Variants in NEDD9 observed in about 807,000 individuals in gnomAD.
NEDD9 encodes the protein enhancer of filamentation 1.
A neutral mutation model predicts 76.6 loss-of-function variants in NEDD9; 26 were observed. The observed-to-expected ratio is 0.34, with a 90% CI of 0.25 to 0.47. The LOEUF (loss-of-function observed/expected upper bound fraction) is 0.47. Ranked by LOEUF, NEDD9 falls within the 20% of genes least tolerant of loss-of-function variation. The pLI is 1.00. For missense variants in NEDD9, 937 were observed against 1,058.5 expected (o/e 0.89, Z 1.59); for synonymous variants, 392 against 414.2 (o/e 0.95, Z 0.65).
At chr6:11,185,755 A>G in intron 6 of NEDD9, 84 bp from the exon 7 acceptor site, 1 of 1,511,566 alleles carries the variant, frequency 6.6e-7, no homozygotes, top group African/African-American at 1.4e-5. Flanking sequence ...GTTAAAAGAC[A>G]GGGATTTTAG....
intron 2 of NEDD9, among the ~76,000 whole-genome samples, chr6:11,320,470 TA>T (rs1761770450): frequency 6.6e-6 from 1 of 152,176 alleles, no homozygotes; most frequent in South Asian, 2.1e-4. Context: ...GTGCCTACGA[TA>T]AGCGATTTGT....
At chr6:11,211,338 T>C (rs1457999886) in intron 2 of NEDD9, among the ~76,000 whole-genome samples, 1 of 152,178 alleles carries the variant, frequency 6.6e-6, no homozygotes, top group Non-Finnish European at 1.5e-5. Context: ...AGGCTTAGGC[T>C]TCTCTGACTT....
intron 3 of NEDD9, chr6:11,305,214 T>C (rs1000391417): frequency 2.7e-6 from 3 of 1,130,758 alleles, no homozygotes; most frequent in African/African-American, 3.3e-5. Flanking sequence ...TTTACCTTTT[T>C]TCATTTTGAG....
At chr6:11,295,304 T>C (rs1035094782) in intron 3 of NEDD9, among the ~76,000 whole-genome samples, 2 of 152,366 alleles carry the variant, frequency 1.3e-5, no homozygotes, top group Admixed American at 6.5e-5. Flanking sequence ...TGAGTGCGTT[T>C]TATTTTTCTG....
intron 3 of NEDD9, among the ~76,000 whole-genome samples, chr6:11,272,073 C>T (rs530402918): frequency 5.9e-5 from 9 of 152,174 alleles, no homozygotes; most frequent in East Asian, 1.9e-4. Flanking sequence ...AAGGACAGCC[C>T]GGTGCAGAAC....
At chr6:11,214,103 A>G (rs1758872420) in intron 1 of NEDD9, 2 of 465,728 alleles carry the variant, frequency 4.3e-6, no homozygotes, top group Non-Finnish European at 8.3e-6. Flanking sequence ...CGAGATATTC[A>G]GATGTTCGAC....
At chr6:11,303,658 C>A (rs1285315635) in intron 3 of NEDD9, among the ~76,000 whole-genome samples, 2 of 152,100 alleles carry the variant, frequency 1.3e-5, no homozygotes, top group Non-Finnish European at 1.5e-5. Flanking sequence ...TAACATCACA[C>A]ATCTACAACC....
intron 3 of NEDD9, among the ~76,000 whole-genome samples, chr6:11,265,301 C>T (rs757157182): frequency 2.0e-5 from 3 of 152,158 alleles, no homozygotes; most frequent in Admixed American, 6.5e-5. Flanking sequence ...AGTGGAAAAA[C>T]GCTCACCAAA....
At chr6:11,238,125 C>T (rs1759644367) in intron 3 of NEDD9, among the ~76,000 whole-genome samples, 1 of 152,172 alleles carries the variant, frequency 6.6e-6, no homozygotes, top group African/African-American at 2.4e-5. Flanking sequence ...CACCGAAACC[C>T]TCCGAGGTGC....
At chr6:11,355,882 G>C (rs540839585) in intron 1 of NEDD9, among the ~76,000 whole-genome samples, 2 of 148,904 alleles carry the variant, frequency 1.3e-5, no homozygotes, top group South Asian at 4.2e-4. Context: ...CACCACGCCC[G>C]GCTAATTTTT....
chr6:11,299,776 A>G (rs1760994137), intron 3 of NEDD9, among the ~76,000 whole-genome samples: 1 of 152,240 alleles, frequency 6.6e-6, no homozygotes, highest in African/African-American at 2.4e-5. Context: ...GGGGTCTGTA[A>G]GAAGGAAAAC....
intron 2 of NEDD9, among the ~76,000 whole-genome samples, chr6:11,308,569 T>C (rs542072632): frequency 6.6e-5 from 10 of 151,908 alleles, no homozygotes; most frequent in South Asian, 6.3e-4. Flanking sequence ...CGGGGTTTCA[T>C]CGTGTTAGCC....
chr6:11,319,458 ACT>A (rs1006494551), intron 2 of NEDD9, among the ~76,000 whole-genome samples: 14 of 151,238 alleles, frequency 9.3e-5, no homozygotes, highest in African/African-American at 2.2e-4. Context: ...GTACACACAC[ACT>A]GGTACACACT....
At chr6:11,193,714 G>A in intron 2 of NEDD9, 22 bp from the exon 3 acceptor site, 1 of 1,583,230 alleles carries the variant, frequency 6.3e-7, no homozygotes, top group Non-Finnish European at 8.7e-7. Flanking sequence ...AAGGCACAGA[G>A]GTGTAAATTT....
chr6:11,209,646 G>C (rs1047062614), intron 2 of NEDD9, among the ~76,000 whole-genome samples: 2 of 152,196 alleles, frequency 1.3e-5, no homozygotes, highest in African/African-American at 2.4e-5. Context: ...TCTCACGACA[G>C]CCTATGAAGT....
At chr6:11,186,909 C>T (rs887789192) in intron 6 of NEDD9, among the ~76,000 whole-genome samples, 5 of 152,202 alleles carry the variant, frequency 3.3e-5, no homozygotes, top group African/African-American at 9.7e-5. Flanking sequence ...AGCCACCGTG[C>T]CCAGCCTTCA....
At chr6:11,380,825 T>C (rs1208194950) in intron 1 of NEDD9, among the ~76,000 whole-genome samples, 2 of 152,020 alleles carry the variant, frequency 1.3e-5, no homozygotes, top group Non-Finnish European at 2.9e-5. Flanking sequence ...CTTCTTCTTC[T>C]TGAGACAGGA....
rs745970650 is a variant in NEDD9 at position 11,190,936 on chromosome 6, G to T, written c.933C>A (p.Gly311=). 9 of 1,614,078 alleles carry T rather than the reference G, an allele frequency of 5.6e-6. No homozygotes were observed. In the East Asian group the frequency reaches 6.7e-5, roughly 12 times the overall value. ...HPPPQLGQSV[G]SQNDAYDVPR... is the part of the protein sequence containing the mutation. The stretch of plus-strand genomic sequence containing the variant: ...GGACATCATATGCGTCGTTCTGAGA[G>T]CCCACTGACTGTCCGAGTTGCGGGG... Residue 311 remains glycine, a synonymous_variant, in exon 5 of 7, where the codon GGC becomes GGA. Transcript: ENST00000379446. The surrounding 1 kb of genome is among the most constrained non-coding windows in gnomAD (Gnocchi z 5.8).
At position 11,295,826 on chromosome 6, in the gene NEDD9, C is replaced by T. The variant is rs376736716; in HGVS notation, c.12+10166G>A. ...ATGCCAATCTCCATCTCAAAATTTGCTTCTCTGGGAATGCAACCTGTGGTG... is the reference window on the plus strand; with the variant it reads ...ATGCCAATCTCCATCTCAAAATTTGTTTCTCTGGGAATGCAACCTGTGGTG... On this transcript the variant is annotated intron_variant, in intron 3 of 3. Transcript: ENST00000397378. 3.9e-5 allele frequency among the ~76,000 whole-genome samples: 6 copies of T among 152,148 alleles called. No homozygotes were observed. In the East Asian group the frequency reaches 5.8e-4, roughly 15 times the overall value.
Sources: allele counts gnomAD v4.1 joint callset (sites outside exome capture counted in the v4.1 genomes callset), GRCh38; gene constraint gnomAD v4.1.1; non-coding constraint Gnocchi (gnomAD v3.1); transcripts MANE v1.5; gene names NCBI Gene and HGNC (gene_info 2026-07-23, HGNC 2026-07-21).